DYNC2H1: variants seen among roughly 807,000 people sequenced by gnomAD.
The protein encoded by DYNC2H1 is cytoplasmic dynein 2 heavy chain 1.
In DYNC2H1, 410 loss-of-function variants were observed where a neutral mutation model predicts 570.0. The ratio of observed to expected loss-of-function variants is 0.72; its 90% CI spans 0.66 to 0.78. The LOEUF (loss-of-function observed/expected upper bound fraction) is 0.78. DYNC2H1 is among the 30% of genes least tolerant of loss of function. The pLI, the probability that DYNC2H1 is intolerant of heterozygous loss-of-function variation, is 0.00. For missense variants in DYNC2H1, 4,865 were observed against 5,046.4 expected (o/e 0.96, Z 1.09); for synonymous variants, 1,688 against 1,677.6 (o/e 1.01, Z -0.15).
intron 12 of DYNC2H1, 79 bp downstream of exon 12, chr11:103,125,374 T>TC: frequency 8.4e-7 from 1 of 1,191,032 alleles, no homozygotes; most frequent in East Asian, 2.6e-5. Flanking sequence ...GGCTTTTTTT[T>TC]TTTTTTTTTT....
intron 83 of DYNC2H1, among the ~76,000 whole-genome samples, chr11:103,360,072 G>C (rs989370450): frequency 6.6e-6 from 1 of 152,102 alleles, no homozygotes; most frequent in Non-Finnish European, 1.5e-5. Flanking sequence ...AAAGGTAACA[G>C]TGTAGAATCT....
intron 83 of DYNC2H1, among the ~76,000 whole-genome samples, chr11:103,360,480 AG>A (rs1157876782): frequency 6.6e-6 from 1 of 152,144 alleles, no homozygotes; most frequent in Non-Finnish European, 1.5e-5. Flanking sequence ...ATATATGTAA[AG>A]CTTTTATAAT....
At chr11:103,212,557 T>C (rs1234002681) in intron 54 of DYNC2H1, among the ~76,000 whole-genome samples, 2 of 152,140 alleles carry the variant, frequency 1.3e-5, no homozygotes, top group Non-Finnish European at 2.9e-5. Flanking sequence ...TATAAAGTAA[T>C]GTTTTCATCC....
At chr11:103,153,701 A>G (rs1211609688) in intron 22 of DYNC2H1, among the ~76,000 whole-genome samples, 193 bp downstream of exon 22, 2 of 152,036 alleles carry the variant, frequency 1.3e-5, no homozygotes, top group African/African-American at 4.8e-5. Context: ...ATATTAAGAG[A>G]AAGCAAATTT....
At chr11:103,474,074 T>C in intron 88 of DYNC2H1, 1 of 243,066 alleles carries the variant, frequency 4.1e-6, no homozygotes, top group South Asian at 3.8e-5. Flanking sequence ...TTTTGTATGT[T>C]ATTTTTTTTC....
At position 103,187,507 on chromosome 11, in the gene DYNC2H1, T is replaced by C; in HGVS notation, c.7061T>C (p.Leu2354Pro). Residue 2354 changes from leucine to proline, a missense_variant, in exon 43 of 89, where the codon CTT becomes CCT. Physicochemically the swap from Leu to Pro is moderately conservative, Grantham distance 98. This residue lies in a region of DYNC2H1 where 2,401 missense variants were observed against 2,454.6 expected (regional missense o/e 0.98). Transcript: ENST00000375735. The part of the protein sequence containing the change: ...RVYRPKDCER[L>P]VLYLKDINLP... Reference sequence around the variant, plus strand: ...TACAGACCAAAAGACTGTGAAAGACTTGTTCTGTACTTAAAAGATATCAAC... The same window carrying C: ...TACAGACCAAAAGACTGTGAAAGACCTGTTCTGTACTTAAAAGATATCAAC... 6.2e-7 allele frequency: 1 copy of C among 1,613,378 alleles called. No individual in the cohort carries two copies. Among genetic ancestry groups the C allele is most frequent in the Non-Finnish European group, 8.5e-7 (1 of 1,179,502 alleles).
intron 82 of DYNC2H1, among the ~76,000 whole-genome samples, chr11:103,330,858 T>C (rs1379494387): frequency 6.6e-6 from 1 of 152,154 alleles, no homozygotes; most frequent in African/African-American, 2.4e-5. Context: ...CTGGATTTCA[T>C]ACATTGGAAT....
chr11:103,120,158 T>G (rs565711655), intron 6 of DYNC2H1, among the ~76,000 whole-genome samples: 1 of 152,172 alleles, frequency 6.6e-6, no homozygotes, highest in Non-Finnish European at 1.5e-5. Flanking sequence ...AACAGTTTTT[T>G]AAACTGTGTT....
chr11:103,113,502 A>G lies in DYNC2H1; in HGVS notation c.196-35A>G, dbSNP rs773846070. ...ACATTTTTTTCAAATATTAAATTTT[A>G]TGAAGATAACATTAAAAATCATTTA... On this transcript the variant is annotated intron_variant, in intron 1 of 88. Coordinates refer to ENST00000375735, the MANE Select transcript of DYNC2H1 (RefSeq NM_001377.3). 5 of 1,442,332 alleles carry G rather than the reference A, an allele frequency of 3.5e-6. No homozygotes were observed. The Admixed American group carries it at 1.3e-4, about 37-fold the overall frequency. The allele number at this position is 1,442,332 out of a possible 1,614,324, so 89.3% of individuals were successfully genotyped here. A position where few individuals can be genotyped will look rare whatever the true frequency, so the allele number is the denominator to read the frequency against.
At chr11:103,322,796 G>A (rs1938281358) in intron 81 of DYNC2H1, among the ~76,000 whole-genome samples, 1 of 152,118 alleles carries the variant, frequency 6.6e-6, no homozygotes, top group Non-Finnish European at 1.5e-5. Flanking sequence ...TTCTAATTGA[G>A]TTAGATGAAA....
At chr11:103,130,850 G>A (rs1009510738) in intron 13 of DYNC2H1, among the ~76,000 whole-genome samples, 1 of 152,142 alleles carries the variant, frequency 6.6e-6, no homozygotes, top group African/African-American at 2.4e-5. Context: ...TATTTAACAA[G>A]TTAAAGGAGA....
intron 82 of DYNC2H1, among the ~76,000 whole-genome samples, chr11:103,352,657 T>C (rs533402893): frequency 1.3e-5 from 2 of 152,318 alleles, no homozygotes; most frequent in East Asian, 3.9e-4. Context: ...TTAAATGTTC[T>C]CTGTGTGCTT....
chr11:103,152,317 G>A (rs769989650), intron 21 of DYNC2H1, 32 bp downstream of exon 21: 2 of 1,540,494 alleles, frequency 1.3e-6, no homozygotes, highest in South Asian at 1.3e-5. Context: ...ATTAAAATGG[G>A]AACTTTTTTC....
Position 103,479,322 on chromosome 11 carries a change from G to A in DYNC2H1, c.*69G>A, listed in dbSNP as rs1346755983. The A allele has an allele frequency of 1.7e-5, 26 of 1,524,790 alleles. No individual in the cohort carries two copies. In the East Asian group the frequency reaches 5.5e-4, roughly 32 times the overall value. The allele number at this position is 1,524,790 out of a possible 1,614,324, so 94.5% of individuals were successfully genotyped here. On this transcript the variant is annotated 3_prime_UTR_variant, in exon 89 of 89. Transcript: ENST00000375735. Reference sequence around the variant, plus strand: ...ATTCTTTAAGCTTTAAATCAAACATGTGGTCAGTCTACATTTGAAATGTTA... The same window carrying A: ...ATTCTTTAAGCTTTAAATCAAACATATGGTCAGTCTACATTTGAAATGTTA...
chr11:103,170,013 A>AT lies in DYNC2H1; in HGVS notation c.4969-90dup. 8.2e-7 allele frequency: 1 copy of AT among 1,216,162 alleles called. No homozygotes were observed. 75.3% of individuals were successfully genotyped at this position (1,216,162 alleles called of 1,614,324 possible). A position where few individuals can be genotyped will look rare whatever the true frequency, so the allele number is the denominator to read the frequency against. ...TTAAAAACTTTAACCTGTTTGTTGC[A>AT]TTTTTATCTTTTTAACTACAATCTC... On this transcript the variant is annotated intron_variant, in intron 32 of 88. Transcript: ENST00000375735. The surrounding 1 kb of genome is among the most constrained non-coding windows in gnomAD (Gnocchi z 4.8).
chr11:103,120,848 T>C, intron 8 of DYNC2H1, 46 bp downstream of exon 8: 2 of 1,168,274 alleles, frequency 1.7e-6, no homozygotes, highest in East Asian at 3.2e-5. Flanking sequence ...CTTAAGCTAA[T>C]ATATATATAA....
intron 57 of DYNC2H1, 68 bp from the exon 58 acceptor site, chr11:103,221,962 A>C (rs1323910348): frequency 1.3e-6 from 2 of 1,555,120 alleles, no homozygotes; most frequent in East Asian, 2.3e-5. Flanking sequence ...CATTTTGTTA[A>C]ACTGATTTTT....
In DYNC2H1 at chr11:103,252,296, T is replaced by C. The variant is rs886250325; in HGVS notation, c.10043-989T>C. Among the ~76,000 whole-genome samples, 1 of 152,134 alleles carries C rather than the reference T, an allele frequency of 6.6e-6. No homozygotes were observed. Among genetic ancestry groups the C allele is most frequent in the Non-Finnish European group, 1.5e-5 (1 of 68,018 alleles). On this transcript the variant is annotated intron_variant, in intron 65 of 88. Coordinates refer to ENST00000375735, the MANE Select transcript of DYNC2H1 (RefSeq NM_001377.3). The surrounding 1 kb of genome is among the most constrained non-coding windows in gnomAD (Gnocchi z 4.6). The stretch of plus-strand genomic sequence containing the variant: ...GGTTGTTTCCATGTCTTGGCTGTTG[T>C]GAATAATGCTGTGAAGAAATGGGAG...
At chr11:103,342,953 C>G (rs1340561634) in intron 82 of DYNC2H1, among the ~76,000 whole-genome samples, 1 of 152,098 alleles carries the variant, frequency 6.6e-6, no homozygotes, top group African/African-American at 2.4e-5. Context: ...GCTTGCTATT[C>G]TGTCCTATTT....
Sources: gnomAD v4.1 joint callset for allele counts (sites outside exome capture counted in the v4.1 genomes callset) on GRCh38, gnomAD v4.1.1 for gene constraint, gnomAD v4.1.1 regional missense constraint, Gnocchi (gnomAD v3.1) non-coding constraint, MANE v1.5 for transcripts, NCBI Gene and HGNC (gene_info 2026-07-23, HGNC 2026-07-21) for gene names.